Variants in CELF2 observed in about 807,000 individuals in gnomAD.
CELF2 encodes CUGBP Elav-like family member 2.
A neutral mutation model predicts 62.6 loss-of-function variants in CELF2; 8 were observed. That is an observed-to-expected ratio of 0.13 (90% CI 0.07 to 0.23). CELF2 has a LOEUF of 0.23. CELF2 is among the 10% of genes least tolerant of loss of function. The pLI is 1.00. For missense variants in CELF2, 333 were observed against 671.0 expected (o/e 0.50, Z 5.56); for synonymous variants, 258 against 250.0 (o/e 1.03, Z -0.30).
the CELF2 span, among the ~76,000 whole-genome samples, chr10:10,601,434 T>G: frequency 9.8e-5 from 15 of 152,308 alleles, no homozygotes; most frequent in East Asian, 2.9e-3. Context: ...TAAAGAACTT[T>G]TGATAACTTA....
At chr10:10,748,223 G>T in the CELF2 span, among the ~76,000 whole-genome samples, 1 of 152,054 alleles carries the variant, frequency 6.6e-6, no homozygotes, top group African/African-American at 2.4e-5. Context: ...TAAAAAAAAA[G>T]AGGACTTGAA....
chr10:11,143,892 T>C (rs1399105590), intron 1 of CELF2, among the ~76,000 whole-genome samples: 2 of 152,220 alleles, frequency 1.3e-5, no homozygotes, highest in African/African-American at 4.8e-5. Flanking sequence ...ACTTTATTCT[T>C]CAAAAAGGAA....
intron 1 of CELF2, among the ~76,000 whole-genome samples, chr10:10,863,545 A>G (rs900854687): frequency 5.9e-5 from 9 of 152,192 alleles, no homozygotes; most frequent in Admixed American, 5.2e-4. Context: ...TGTTGAAAGG[A>G]TAAAATAATT....
intron 2 of CELF2, among the ~76,000 whole-genome samples, chr10:10,970,081 A>G (rs562828839): frequency 9.2e-5 from 14 of 151,916 alleles, no homozygotes; most frequent in South Asian, 2.1e-4. Context: ...TTATTTATTT[A>G]TTTTTGAGAC....
At chr10:10,486,694 T>C in the CELF2 span, among the ~76,000 whole-genome samples, 2 of 152,150 alleles carry the variant, frequency 1.3e-5, no homozygotes, top group Non-Finnish European at 2.9e-5. Context: ...CAAAACGTTT[T>C]GAACTGTGGA....
intron 2 of CELF2, among the ~76,000 whole-genome samples, chr10:11,194,145 A>G (rs1180004757): frequency 6.6e-6 from 1 of 152,114 alleles, no homozygotes; most frequent in Admixed American, 6.5e-5. Flanking sequence ...AGCTCACTGC[A>G]ACCTCCACCT....
chr10:11,025,943 C>G (rs771533255), intron 1 of CELF2, among the ~76,000 whole-genome samples: 6 of 152,242 alleles, frequency 3.9e-5, no homozygotes, highest in Non-Finnish European at 7.3e-5. Context: ...AGCTCAGACT[C>G]TTTCCCTTTT....
At chr10:10,544,297 T>C in the CELF2 span, among the ~76,000 whole-genome samples, 3 of 152,184 alleles carry the variant, frequency 2.0e-5, no homozygotes, top group African/African-American at 7.2e-5. Flanking sequence ...CAGGGAGCAA[T>C]TGAAGACCAG....
At chr10:10,897,850 G>A (rs191504936) in intron 1 of CELF2, among the ~76,000 whole-genome samples, 2 of 152,292 alleles carry the variant, frequency 1.3e-5, no homozygotes, top group East Asian at 3.9e-4. Context: ...AAAACAGGCT[G>A]ATAGAACTGC....
chr10:10,619,439 C>A, the CELF2 span, among the ~76,000 whole-genome samples: 110 of 152,332 alleles, frequency 7.2e-4, no homozygotes, highest in African/African-American at 2.5e-3. Context: ...ACATAGAAAT[C>A]TTTACAGAAC....
chr10:10,486,248 A>G, the CELF2 span, among the ~76,000 whole-genome samples: 1 of 152,182 alleles, frequency 6.6e-6, no homozygotes, highest in Non-Finnish European at 1.5e-5. Context: ...AACACCAGTA[A>G]AGAACTCCAA....
chr10:11,151,573 A>G (rs978590085), intron 1 of CELF2, among the ~76,000 whole-genome samples: 1 of 152,174 alleles, frequency 6.6e-6, no homozygotes, highest in African/African-American at 2.4e-5. Flanking sequence ...CCGTATACAC[A>G]GGGGACCCTA....
At chr10:10,994,695 A>C (rs1375190953) in intron 2 of CELF2, among the ~76,000 whole-genome samples, 1 of 152,192 alleles carries the variant, frequency 6.6e-6, no homozygotes, top group Non-Finnish European at 1.5e-5. Context: ...CTGAGGTGGA[A>C]GAGTTTCATC....
the CELF2 span, among the ~76,000 whole-genome samples, chr10:10,471,957 G>C: frequency 1.3e-5 from 2 of 151,756 alleles, no homozygotes; most frequent in African/African-American, 2.4e-5. Context: ...TCTTAGGAGA[G>C]TTAGTAGTCA....
Position 11,257,727 on chromosome 10 carries a change from T to G in CELF2, c.404-11T>G. On this transcript the variant is annotated splice_polypyrimidine_tract_variant and intron_variant, in intron 4 of 12. Coordinates refer to ENST00000633077, the MANE Select transcript of CELF2 (RefSeq NM_001326342.2). Reference sequence around the variant, plus strand: ...AATGGCCTTTGCTCATTCGTTATTTTTATCTCCTAGCTGTGGAAGACAGAA... The same window carrying G: ...AATGGCCTTTGCTCATTCGTTATTTGTATCTCCTAGCTGTGGAAGACAGAA... The G allele has an allele frequency of 2.5e-6, 4 of 1,611,838 alleles. No individual in the cohort carries two copies. Among genetic ancestry groups the G allele is most frequent in the Non-Finnish European group, 3.4e-6 (4 of 1,177,998 alleles).
chr10:10,801,514 G>A (rs965801562), intron 1 of CELF2, among the ~76,000 whole-genome samples: 2 of 152,098 alleles, frequency 1.3e-5, no homozygotes, highest in African/African-American at 2.4e-5. Flanking sequence ...GTACTCTAAC[G>A]CCACATAGCA....
At chr10:10,635,612 G>GT in the CELF2 span, among the ~76,000 whole-genome samples, 5 of 152,164 alleles carry the variant, frequency 3.3e-5, no homozygotes, top group Admixed American at 3.3e-4. Context: ...GGGAATGAAT[G>GT]TATGTAAATT....
chr10:10,731,546 A>G, the CELF2 span, among the ~76,000 whole-genome samples: 1 of 152,240 alleles, frequency 6.6e-6, no homozygotes, highest in African/African-American at 2.4e-5. Flanking sequence ...AGCATCTGTT[A>G]TGGAAATATG....
chr10:11,211,304 A>AT lies in CELF2; in HGVS notation c.272-6120dup, dbSNP rs1303241092. The stretch of plus-strand genomic sequence containing the variant: ...TTAAAACAAAAATTGCTTTGTCCAT[A>AT]TATTAGAGTCAAGGAATTTAAAGAA... On this transcript the variant is annotated intron_variant, in intron 2 of 12. Coordinates refer to ENST00000633077, the MANE Select transcript of CELF2 (RefSeq NM_001326342.2). The surrounding 1 kb of genome is among the most constrained non-coding windows in gnomAD (Gnocchi z 4.8). 1.3e-5 allele frequency among the ~76,000 whole-genome samples: 2 copies of AT among 152,228 alleles called. No individual in the cohort carries two copies. The highest frequency in any genetic ancestry group is 2.9e-5 in the Non-Finnish European group (2 of 68,046).
Sources: gnomAD v4.1 joint callset for allele counts (sites outside exome capture counted in the v4.1 genomes callset) on GRCh38, gnomAD v4.1.1 for gene constraint, Gnocchi (gnomAD v3.1) non-coding constraint, MANE v1.5 for transcripts, NCBI Gene and HGNC (gene_info 2026-07-23, HGNC 2026-07-21) for gene names.